Variants in ADAM12 observed in about 807,000 individuals in gnomAD.
The protein encoded by ADAM12 is disintegrin and metalloproteinase domain-containing protein 12.
Under a neutral mutation model 106.4 loss-of-function variants are expected in ADAM12, and 70 were observed. The observed-to-expected ratio is 0.66, with a 90% CI of 0.54 to 0.80. The LOEUF is 0.80. Among genes scored for constraint, ADAM12 ranks in the 30% least tolerant of loss-of-function variants. The pLI, the probability that ADAM12 is intolerant of heterozygous loss-of-function variation, is 0.00. For synonymous variants in ADAM12, 420 were observed against 433.5 expected (o/e 0.97, Z 0.39); for missense variants, 1,010 against 1,171.9 (o/e 0.86, Z 2.02).
At chr10:126,163,208 T>C (rs138070480) in intron 3 of ADAM12, among the ~76,000 whole-genome samples, 1 of 152,282 alleles carries the variant, frequency 6.6e-6, no homozygotes, top group Non-Finnish European at 1.5e-5. Context: ...AAGTCTCAGG[T>C]ATTTCTTCAT....
Position 126,372,104 on chromosome 10 carries a change from G to A in ADAM12, c.88+15954C>T, listed in dbSNP as rs577703279. Among the ~76,000 whole-genome samples, 18 of 152,278 alleles carry A rather than the reference G, an allele frequency of 1.2e-4. No homozygotes were observed. In the South Asian group the frequency reaches 1.9e-3, roughly 16 times the overall value. ...ATGAGATTTAAGGTAGGAGAAAAAC[G>A]AATAGAAACTGCCTTCCTCTCCCAA... is the stretch of plus-strand genomic sequence containing the variant. On this transcript the variant is annotated intron_variant, in intron 1 of 22. Coordinates refer to ENST00000448723, the MANE Select transcript of ADAM12 (RefSeq NM_001288973.2).
chr10:126,236,252 C>T (rs951545328), intron 3 of ADAM12, among the ~76,000 whole-genome samples: 54 of 152,212 alleles, frequency 3.5e-4, no homozygotes, highest in Non-Finnish European at 8.8e-5. Flanking sequence ...GTGGCATCAA[C>T]AGGCCTGGTG....
chr10:126,321,298 A>G (rs1163100271), intron 2 of ADAM12, among the ~76,000 whole-genome samples: 2 of 152,220 alleles, frequency 1.3e-5, no homozygotes, highest in African/African-American at 2.4e-5. Flanking sequence ...ATTTTAAAAT[A>G]TGATTTTTTT....
At chr10:126,233,026 G>T (rs1022239142) in intron 3 of ADAM12, among the ~76,000 whole-genome samples, 1 of 152,126 alleles carries the variant, frequency 6.6e-6, no homozygotes, top group Admixed American at 6.6e-5. Flanking sequence ...CGTGGAAGAC[G>T]TCCAGGCAGA....
At chr10:126,197,082 C>A (rs1957610315) in intron 3 of ADAM12, among the ~76,000 whole-genome samples, 1 of 152,108 alleles carries the variant, frequency 6.6e-6, no homozygotes, top group Non-Finnish European at 1.5e-5. Flanking sequence ...TAGAAATCTG[C>A]CGTGCAATCC....
At chr10:126,086,680 A>AAAATATATATAT (rs1554966976) in intron 11 of ADAM12, among the ~76,000 whole-genome samples, 3 of 24,272 alleles carry the variant, frequency 1.2e-4, no homozygotes, top group Non-Finnish European at 1.8e-4. Flanking sequence ...AAAAAAAAAA[A>AAAATATATATAT]ATATATATAT....
chr10:126,073,061 C>G (rs116214660), intron 11 of ADAM12, among the ~76,000 whole-genome samples: 3 of 152,150 alleles, frequency 2.0e-5, no homozygotes, highest in African/African-American at 7.2e-5. Context: ...ATAAGGCATA[C>G]TATTAGGCAC....
chr10:126,211,761 C>T (rs1410196936), intron 3 of ADAM12, among the ~76,000 whole-genome samples: 2 of 152,184 alleles, frequency 1.3e-5, no homozygotes, highest in Non-Finnish European at 2.9e-5. Flanking sequence ...CCTCCTGAAC[C>T]ATGTGATGCT....
intron 3 of ADAM12, among the ~76,000 whole-genome samples, chr10:126,169,429 C>A (rs1957080568): frequency 6.6e-6 from 1 of 152,148 alleles, no homozygotes; most frequent in African/African-American, 2.4e-5. Flanking sequence ...CCTCCCCAGC[C>A]CTTACATTAA....
At chr10:126,029,373 TGTG>T (rs151026709) in intron 21 of ADAM12, among the ~76,000 whole-genome samples, 3,163 of 152,248 alleles carry the variant, frequency 0.021, 96 homozygotes, top group African/African-American at 0.068. Context: ...GGTAAGAAAA[TGTG>T]GTAAATATAC....
intron 3 of ADAM12, among the ~76,000 whole-genome samples, chr10:126,202,494 A>C (rs1161018873): frequency 6.6e-6 from 1 of 151,798 alleles, no homozygotes; most frequent in Admixed American, 6.6e-5. Context: ...AAAATGCTCT[A>C]CTACTTCTCT....
intron 22 of ADAM12, 141 bp from the exon 23 acceptor site, chr10:126,017,480 T>G: frequency 2.8e-6 from 2 of 725,678 alleles, no homozygotes; most frequent in East Asian, 5.7e-5. Context: ...ATAACGGGGG[T>G]GGGAAACCTG....
At chr10:126,257,928 A>G (rs1443213768) in intron 3 of ADAM12, among the ~76,000 whole-genome samples, 1 of 152,330 alleles carries the variant, frequency 6.6e-6, no homozygotes, top group East Asian at 1.9e-4. Context: ...CCATGCCTGG[A>G]AATAACTAGT....
intron 3 of ADAM12, among the ~76,000 whole-genome samples, chr10:126,245,720 AG>A (rs555233395): frequency 1.5e-3 from 221 of 152,328 alleles, no homozygotes; most frequent in Non-Finnish European, 1.6e-3. Context: ...GAGTCAGGGC[AG>A]GGGGCTCCTC....
chr10:126,333,194 C>T (rs918402686), intron 1 of ADAM12, among the ~76,000 whole-genome samples: 1 of 152,226 alleles, frequency 6.6e-6, no homozygotes, highest in African/African-American at 2.4e-5. Context: ...GTACTCCTGG[C>T]AGCGCTGAGT....
chr10:126,353,637 T>G (rs1216801276), intron 1 of ADAM12, among the ~76,000 whole-genome samples: 1 of 152,240 alleles, frequency 6.6e-6, no homozygotes, highest in Non-Finnish European at 1.5e-5. Context: ...TATGAAGGTC[T>G]CTGATAGCAA....
chr10:126,096,726 A>G (rs548674608), intron 10 of ADAM12, among the ~76,000 whole-genome samples: 6 of 152,368 alleles, frequency 3.9e-5, no homozygotes, highest in Non-Finnish European at 8.8e-5. Flanking sequence ...GTAGAAATCA[A>G]AGGTGCTGAG....
At chr10:126,244,295 G>A (rs1414926388) in intron 3 of ADAM12, among the ~76,000 whole-genome samples, 1 of 152,180 alleles carries the variant, frequency 6.6e-6, no homozygotes, top group Non-Finnish European at 1.5e-5. Flanking sequence ...AAAACCAGCC[G>A]AGGGTTCATG....
intron 5 of ADAM12, among the ~76,000 whole-genome samples, chr10:126,125,052 T>C (rs1254229917): frequency 6.6e-6 from 1 of 151,990 alleles, no homozygotes; most frequent in Admixed American, 6.6e-5. Flanking sequence ...AGCATTAAGT[T>C]CACTCCTTGA....
Sources: allele counts gnomAD v4.1 joint callset (sites outside exome capture counted in the v4.1 genomes callset), GRCh38; gene constraint gnomAD v4.1.1; transcripts MANE v1.5; gene names NCBI Gene and HGNC (gene_info 2026-07-23, HGNC 2026-07-21).